The following RTN1 variants were observed in gnomAD, a reference collection of about 807,000 sequenced individuals.
RTN1 encodes the protein reticulon-1.
A neutral mutation model predicts 65.5 loss-of-function variants in RTN1; 25 were observed. The observed-to-expected ratio is 0.38, with a 90% CI of 0.28 to 0.53. The LOEUF (loss-of-function observed/expected upper bound fraction) is 0.53, where lower values mean the gene tolerates loss of function less well. Ranked by LOEUF, RTN1 falls within the 20% of genes least tolerant of loss-of-function variation. RTN1 has a pLI of 0.79. For missense variants in RTN1, 983 were observed against 1,025.4 expected (o/e 0.96, Z 0.57); for synonymous variants, 471 against 447.6 (o/e 1.05, Z -0.66).
intron 3 of RTN1, among the ~76,000 whole-genome samples, chr14:59,666,964 A>G (rs1252236909): frequency 3.9e-5 from 2 of 50,856 alleles, no homozygotes; most frequent in Non-Finnish European, 7.5e-5. Flanking sequence ...CGACCAACCA[A>G]AAAAAAAAAA....
intron 1 of RTN1, among the ~76,000 whole-genome samples, chr14:59,764,325 T>C (rs1197472787): frequency 1.4e-5 from 2 of 147,398 alleles, no homozygotes; most frequent in Non-Finnish European, 3.0e-5. Context: ...AAGTGCTACT[T>C]TTTTTTTTTT....
rs766068631 is a variant in RTN1 at position 59,793,639 on chromosome 14, CA to C, written c.242-47159del. ...CCTTGTCAATTACAGGCACACACCA[CA>C]CACACACACACACACACACACACAC... On this transcript the variant is annotated intron_variant, in intron 1 of 8. Coordinates refer to ENST00000267484, the MANE Select transcript of RTN1 (RefSeq NM_021136.3). Among the ~76,000 whole-genome samples, 763 of 127,954 alleles carry C rather than the reference CA, an allele frequency of 6.0e-3. 6 individuals are homozygous for C. The highest frequency in any genetic ancestry group is 1.0e-2 in the African/African-American group (381 of 38,228). 83.9% of individuals were successfully genotyped at this position (127,954 alleles called of 152,430 possible).
chr14:59,605,333 C>A (rs762014526), intron 5 of RTN1, 35 bp downstream of exon 5: 14 of 1,597,056 alleles, frequency 8.8e-6, no homozygotes, highest in Admixed American at 1.7e-5. Context: ...AAATAACAGT[C>A]AAGACTGTGA....
At position 59,630,295 on chromosome 14, in the gene RTN1, C is replaced by A. The variant is rs1054853374; in HGVS notation, c.1766-22803G>T. On this transcript the variant is annotated intron_variant, in intron 3 of 8. Transcript: ENST00000267484. ...CAACCAAGCACCATCCATTTTGATT[C>A]TTGAAATAAGAGGTTTACTACCCCC... The A allele has an allele frequency of 4.5e-6, 4 of 895,474 alleles. No individual in the cohort carries two copies. The African/African-American group carries it at 5.0e-5, about 11-fold the overall frequency. 55.5% of individuals were successfully genotyped at this position (895,474 alleles called of 1,614,324 possible).
chr14:59,801,721 T>C (rs1226415138), intron 1 of RTN1, among the ~76,000 whole-genome samples: 1 of 151,896 alleles, frequency 6.6e-6, no homozygotes, highest in Non-Finnish European at 1.5e-5. Flanking sequence ...ACAAAAGATA[T>C]GAAGGAGGAA....
At chr14:59,675,036 G>A (rs563646811) in intron 3 of RTN1, among the ~76,000 whole-genome samples, 1 of 149,632 alleles carries the variant, frequency 6.7e-6, no homozygotes, top group African/African-American at 2.5e-5. Context: ...ACAGCCCAGT[G>A]GGGTATGCAG....
rs1376895878 is a variant in RTN1 at position 59,774,074 on chromosome 14, T to C, written c.242-27593A>G. ...GAAATAGAATGCCAGATTTACAAAT[T>C]TGGGCAAGTATCCACATTATGGTAA... On this transcript the variant is annotated intron_variant, in intron 1 of 8. Transcript: ENST00000267484. The surrounding 1 kb of genome is among the most constrained non-coding windows in gnomAD (Gnocchi z 5.1). 6.6e-6 allele frequency among the ~76,000 whole-genome samples: 1 copy of C among 152,168 alleles called. No individual in the cohort carries two copies. The highest frequency in any genetic ancestry group is 2.4e-5 in the African/African-American group (1 of 41,444).
chr14:59,613,621 T>C (rs1424918474), intron 3 of RTN1, among the ~76,000 whole-genome samples: 1 of 152,104 alleles, frequency 6.6e-6, no homozygotes, highest in Non-Finnish European at 1.5e-5. Flanking sequence ...AAAAGGCCTT[T>C]ATGTTTTTCT....
Position 59,816,382 on chromosome 14 carries a change from T to C in RTN1, c.241+54008A>G, listed in dbSNP as rs1484430730. Among the ~76,000 whole-genome samples the C allele has an allele frequency of 6.6e-6, 1 of 152,196 alleles. No individual in the cohort carries two copies. Among genetic ancestry groups the C allele is most frequent in the Non-Finnish European group, 1.5e-5 (1 of 68,032 alleles). On this transcript the variant is annotated intron_variant, in intron 1 of 8. Coordinates refer to ENST00000267484, the MANE Select transcript of RTN1 (RefSeq NM_021136.3). This position sits in a 1 kb window ranked among gnomAD's most constrained non-coding sequence, Gnocchi z 4.3. ...TTCTCTACCACTACAGTTGACCATA[T>C]GGTAACAAGGCTAATTGCCTGCCTT...
intron 3 of RTN1, among the ~76,000 whole-genome samples, chr14:59,662,434 G>C (rs1303678303): frequency 6.6e-6 from 1 of 151,028 alleles, no homozygotes; most frequent in African/African-American, 2.4e-5. Context: ...CCTTGTGATA[G>C]TTTGCTGAGA....
chr14:59,658,022 G>A (rs1351456068), intron 3 of RTN1, among the ~76,000 whole-genome samples: 1 of 152,246 alleles, frequency 6.6e-6, no homozygotes, highest in Non-Finnish European at 1.5e-5. Flanking sequence ...GAGCACAGCA[G>A]TCTGAAGTCG....
intron 1 of RTN1, among the ~76,000 whole-genome samples, chr14:59,784,312 ATGCCTGT>A (rs1886212513): frequency 6.6e-6 from 1 of 152,032 alleles, no homozygotes; most frequent in African/African-American, 2.4e-5. Flanking sequence ...GTGGTGGCAC[ATGCCTGT>A]AATCCCAGCT....
At chr14:59,710,040 T>G (rs1477994306) in intron 3 of RTN1, among the ~76,000 whole-genome samples, 1 of 140,652 alleles carries the variant, frequency 7.1e-6, no homozygotes, top group Non-Finnish European at 1.5e-5. Flanking sequence ...TCTCCCTCTT[T>G]CTTTCTTTTT....
chr14:59,630,478 A>G, intron 3 of RTN1: 3 of 1,613,774 alleles, frequency 1.9e-6, no homozygotes, highest in Non-Finnish European at 2.5e-6. Flanking sequence ...CACACAGTCC[A>G]TCTTGGTGGA....
Position 59,794,500 on chromosome 14 carries a change from C to T in RTN1, c.242-48019G>A, listed in dbSNP as rs1886405792. Among the ~76,000 whole-genome samples the T allele has an allele frequency of 6.6e-6, 1 of 152,174 alleles. No homozygotes were observed. On this transcript the variant is annotated intron_variant, in intron 1 of 8. Coordinates refer to ENST00000267484, the MANE Select transcript of RTN1 (RefSeq NM_021136.3). The surrounding 1 kb of genome is among the most constrained non-coding windows in gnomAD (Gnocchi z 5.1). ...TTCTGAATTGAGTTTCTGTTAGTTG[C>T]AACACAAAGACACTTGACTGAAACA...
At chr14:59,806,616 C>A (rs115919088) in intron 1 of RTN1, among the ~76,000 whole-genome samples, 1,835 of 152,264 alleles carry the variant, frequency 0.012, 33 homozygotes, top group African/African-American at 0.041. Context: ...TCTCTCCTCC[C>A]ACCCTCCACC....
intron 1 of RTN1, among the ~76,000 whole-genome samples, chr14:59,805,029 A>T (rs748644757): frequency 6.6e-6 from 1 of 152,222 alleles, no homozygotes; most frequent in African/African-American, 2.4e-5. Flanking sequence ...ATGGGGTGAT[A>T]TTCAAACACA....
intron 3 of RTN1, among the ~76,000 whole-genome samples, chr14:59,677,083 G>A (rs1883642866): frequency 6.6e-6 from 1 of 152,194 alleles, no homozygotes; most frequent in South Asian, 2.1e-4. Flanking sequence ...AGTGAGGGGA[G>A]CTGGCTCCCA....
rs1399304198 is a variant in RTN1 at position 59,746,250 on chromosome 14, G to C, written c.473C>G (p.Ser158Cys). ...PSLPDVPGIE[S>C]RGLFSSDSGI... ...AGAATCAGAACTAAATAAGCCACGA[G>C]ACTCTATCCCAGGCACATCTGGTAA... is the stretch of plus-strand genomic sequence containing the variant. Residue 158 changes from serine (S) to cysteine (C), a missense_variant, in exon 2 of 9, where the codon TCT becomes TGT. Coordinates refer to ENST00000267484, the MANE Select transcript of RTN1 (RefSeq NM_021136.3). The C allele has an allele frequency of 6.2e-7, 1 of 1,613,000 alleles. No individual in the cohort carries two copies. The highest frequency in any genetic ancestry group is 1.3e-5 in the African/African-American group (1 of 74,868).
Sources: gnomAD v4.1 joint callset for allele counts (sites outside exome capture counted in the v4.1 genomes callset) on GRCh38, gnomAD v4.1.1 for gene constraint, Gnocchi (gnomAD v3.1) non-coding constraint, MANE v1.5 for transcripts, NCBI Gene and HGNC (gene_info 2026-07-23, HGNC 2026-07-21) for gene names.